DCC: variants seen among roughly 807,000 people sequenced by gnomAD.
DCC encodes netrin receptor DCC.
DCC carries 58 observed loss-of-function variants against 172.5 expected under a neutral mutation model. The ratio of observed to expected loss-of-function variants is 0.34; its 90% CI spans 0.27 to 0.42. The LOEUF is 0.42. Ranked by LOEUF, DCC falls within the 10% of genes least tolerant of loss-of-function variation. The probability of loss-of-function intolerance (pLI) is 1.00; values close to 1 mark genes in which losing one functional copy is unlikely to be tolerated. For synonymous variants in DCC, 709 were observed against 644.5 expected (o/e 1.10, Z -1.52); for missense variants, 1,740 against 1,791.0 (o/e 0.97, Z 0.51).
chr18:52,766,506 T>A (rs918006676), intron 2 of DCC, among the ~76,000 whole-genome samples: 1 of 152,026 alleles, frequency 6.6e-6, no homozygotes, highest in African/African-American at 2.4e-5. Context: ...GTGGGGGATT[T>A]TATTGCCGAT....
At position 53,486,939 on chromosome 18, in the gene DCC, C is replaced by T. The variant is rs1211794693; in HGVS notation, c.3879C>T (p.Phe1293=). 1.8e-5 allele frequency: 29 copies of T among 1,614,022 alleles called. No individual in the cohort carries two copies. The Middle Eastern group carries it at 4.9e-4, about 27-fold the overall frequency. Reference sequence around the variant, plus strand: ...CAACACTCTCAGTGGACCGAGGTTTCGGAGCAGGAAGAAGTCAGTGTAATG... The same window carrying T: ...CAACACTCTCAGTGGACCGAGGTTTTGGAGCAGGAAGAAGTCAGTGTAATG... ...PFPTLSVDRG[F]GAGRSQSVSE... The change falls in exon 26 of 29, where the codon TTC becomes TTT. Residue 1293 remains phenylalanine (F), a synonymous_variant. Transcript: ENST00000442544.
chr18:52,761,764 C>G (rs371040024), intron 2 of DCC, among the ~76,000 whole-genome samples: 1 of 151,798 alleles, frequency 6.6e-6, no homozygotes, highest in Admixed American at 6.6e-5. Context: ...CACTGAAAAA[C>G]CTTGTTTGAA....
At chr18:52,688,431 A>C (rs1358718378) in intron 1 of DCC, among the ~76,000 whole-genome samples, 1 of 152,124 alleles carries the variant, frequency 6.6e-6, no homozygotes, top group Non-Finnish European at 1.5e-5. Context: ...TCTAAATCCA[A>C]ATTATTTTTA....
intron 1 of DCC, among the ~76,000 whole-genome samples, chr18:52,620,008 A>T (rs751339781): frequency 6.6e-6 from 1 of 152,332 alleles, no homozygotes; most frequent in Admixed American, 6.5e-5. Flanking sequence ...TACCCACTAG[A>T]CTTGAAGAAG....
intron 3 of DCC, among the ~76,000 whole-genome samples, chr18:52,906,741 TTGAACTATAGATATA>T (rs1246738910): frequency 2.8e-4 from 42 of 152,172 alleles, no homozygotes; most frequent in African/African-American, 9.4e-4. Context: ...TAAGTTAGTA[TTGAACTATAGATATA>T]TGATACATAT....
chr18:53,087,258 C>A (rs1219133294), intron 7 of DCC, among the ~76,000 whole-genome samples: 1 of 151,726 alleles, frequency 6.6e-6, no homozygotes, highest in East Asian at 2.0e-4. Flanking sequence ...TCCTCTCCAG[C>A]ACCTGTTGTT....
At chr18:53,378,367 A>G (rs1907462526) in intron 15 of DCC, among the ~76,000 whole-genome samples, 1 of 152,208 alleles carries the variant, frequency 6.6e-6, no homozygotes, top group Non-Finnish European at 1.5e-5. Context: ...CTTATAAAAT[A>G]CATAATATAT....
chr18:52,767,935 T>C (rs2145160340), intron 2 of DCC, among the ~76,000 whole-genome samples: 1 of 152,262 alleles, frequency 6.6e-6, no homozygotes, highest in Non-Finnish European at 1.5e-5. Context: ...AAAATGTGAG[T>C]GCTGAGTTGA....
chr18:52,933,019 G>A (rs2040331037), intron 5 of DCC, among the ~76,000 whole-genome samples: 1 of 152,112 alleles, frequency 6.6e-6, no homozygotes. Flanking sequence ...ATATATGGGT[G>A]AAGTTAAATA....
intron 7 of DCC, among the ~76,000 whole-genome samples, chr18:53,115,978 G>T (rs140512945): frequency 2.2e-3 from 329 of 151,664 alleles, no homozygotes; most frequent in African/African-American, 7.5e-3. Flanking sequence ...GTTGAGGGGG[G>T]TGCTGTGGGG....
chr18:53,182,970 T>C (rs762287614), intron 9 of DCC, among the ~76,000 whole-genome samples: 8 of 152,208 alleles, frequency 5.3e-5, no homozygotes, highest in Non-Finnish European at 7.4e-5. Context: ...ATTTCTTTTC[T>C]GACAAAATGA....
intron 1 of DCC, among the ~76,000 whole-genome samples, chr18:52,697,086 G>A (rs2036024240): frequency 1.3e-5 from 2 of 152,168 alleles, no homozygotes; most frequent in African/African-American, 4.8e-5. Context: ...GTATCCTGTA[G>A]ATAAAACAGA....
At chr18:53,489,842 T>G (rs1340305014) in intron 26 of DCC, among the ~76,000 whole-genome samples, 1 of 152,252 alleles carries the variant, frequency 6.6e-6, no homozygotes, top group African/African-American at 2.4e-5. Context: ...ATATTTCTTC[T>G]TCTTAATAAG....
chr18:52,480,504 T>G lies in DCC; in HGVS notation c.91+139626T>G, dbSNP rs568827634. On this transcript the variant is annotated intron_variant, in intron 1 of 28. Transcript: ENST00000442544. ...AGAACCAGGGATCTATCAACACAAG[T>G]GTCCCACTGAGTTTGTGCATGCCAC... 1.7e-4 allele frequency among the ~76,000 whole-genome samples: 26 copies of G among 152,294 alleles called. No individual in the cohort carries two copies. The South Asian group carries it at 5.4e-3, about 32-fold the overall frequency.
intron 2 of DCC, among the ~76,000 whole-genome samples, chr18:52,848,168 C>A (rs1056733679): frequency 1.3e-4 from 19 of 150,772 alleles, no homozygotes; most frequent in African/African-American, 4.7e-4. Flanking sequence ...TCACTGCAAC[C>A]TCCGCCTCCC....
chr18:53,426,275 A>T (rs1481276894), intron 21 of DCC, among the ~76,000 whole-genome samples: 1 of 138,476 alleles, frequency 7.2e-6, no homozygotes, highest in African/African-American at 2.5e-5. Context: ...ATATATATTT[A>T]TATATTACAT....
chr18:53,269,837 T>C (rs1477270350), intron 12 of DCC, among the ~76,000 whole-genome samples: 1 of 152,194 alleles, frequency 6.6e-6, no homozygotes, highest in African/African-American at 2.4e-5. Context: ...CTGGATTATA[T>C]GATATCTCTC....
At chr18:53,210,161 T>C (rs2055725612) in intron 11 of DCC, among the ~76,000 whole-genome samples, 1 of 152,204 alleles carries the variant, frequency 6.6e-6, no homozygotes, top group African/African-American at 2.4e-5. Flanking sequence ...GCTCTTGGCT[T>C]TCATTTCCTT....
intron 12 of DCC, among the ~76,000 whole-genome samples, chr18:53,266,233 T>C (rs1279065826): frequency 6.6e-6 from 1 of 152,262 alleles, no homozygotes; most frequent in Non-Finnish European, 1.5e-5. Context: ...AGCTCAACAC[T>C]GTTATCTTGC....
Sources: gnomAD v4.1 joint callset for allele counts (sites outside exome capture counted in the v4.1 genomes callset) on GRCh38, gnomAD v4.1.1 for gene constraint, MANE v1.5 for transcripts, NCBI Gene and HGNC (gene_info 2026-07-23, HGNC 2026-07-21) for gene names.